The following PCCA variants were observed in gnomAD, a reference collection of about 807,000 sequenced individuals.
PCCA encodes the protein propionyl-CoA carboxylase alpha chain, mitochondrial.
A neutral mutation model predicts 101.3 loss-of-function variants in PCCA; 74 were observed. The ratio of observed to expected loss-of-function variants is 0.73; its 90% CI spans 0.61 to 0.89. The LOEUF (loss-of-function observed/expected upper bound fraction) is 0.89. Among genes scored for constraint, PCCA ranks in the 40% least tolerant of loss-of-function variants. PCCA has a pLI of 0.00. For missense variants in PCCA, 891 were observed against 907.0 expected (o/e 0.98, Z 0.23); for synonymous variants, 294 against 313.6 (o/e 0.94, Z 0.66).
chr13:100,241,319 T>C (rs960647447), intron 8 of PCCA, among the ~76,000 whole-genome samples: 7 of 152,188 alleles, frequency 4.6e-5, no homozygotes, highest in Admixed American at 3.9e-4. Flanking sequence ...ATTCTGGGGA[T>C]ATTTCATATA....
intron 10 of PCCA, among the ~76,000 whole-genome samples, chr13:100,264,813 A>G (rs1370585358): frequency 3.3e-5 from 5 of 152,172 alleles, no homozygotes; most frequent in African/African-American, 1.2e-4. Flanking sequence ...CCAGAAATAC[A>G]TGAGAGTTTC....
At chr13:100,398,179 T>G (rs2077142342) in intron 19 of PCCA, among the ~76,000 whole-genome samples, 1 of 152,192 alleles carries the variant, frequency 6.6e-6, no homozygotes, top group African/African-American at 2.4e-5. Flanking sequence ...TTAACAAAGA[T>G]TGAAGGAAGC....
chr13:100,089,707 A>G (rs924077089), intron 1 of PCCA, among the ~76,000 whole-genome samples: 11 of 152,240 alleles, frequency 7.2e-5, no homozygotes, highest in Non-Finnish European at 1.6e-4. Context: ...TTAAAGTATT[A>G]TACCATGTCA....
At chr13:100,385,213 A>G (rs1019657390) in intron 19 of PCCA, among the ~76,000 whole-genome samples, 1 of 152,226 alleles carries the variant, frequency 6.6e-6, no homozygotes, top group Admixed American at 6.5e-5. Context: ...ATTGGCAAGA[A>G]CTTTTTCCTT....
chr13:100,449,526 G>T (rs2081072489), intron 21 of PCCA, among the ~76,000 whole-genome samples: 1 of 152,086 alleles, frequency 6.6e-6, no homozygotes, highest in South Asian at 2.1e-4. Context: ...TCACTGTGTT[G>T]CCCATGCTGG....
At chr13:100,512,220 T>C (rs955046086) in intron 21 of PCCA, among the ~76,000 whole-genome samples, 3 of 152,226 alleles carry the variant, frequency 2.0e-5, no homozygotes, top group African/African-American at 7.2e-5. Context: ...CCTGACCCTT[T>C]CATGTCAGCT....
At chr13:100,392,705 G>A (rs1338923026) in intron 19 of PCCA, among the ~76,000 whole-genome samples, 3 of 152,196 alleles carry the variant, frequency 2.0e-5, no homozygotes, top group African/African-American at 7.2e-5. Context: ...AGAGGAGGTA[G>A]CAGAGAGGTG....
chr13:100,382,689 A>G (rs568558500), intron 19 of PCCA, among the ~76,000 whole-genome samples: 2 of 152,330 alleles, frequency 1.3e-5, no homozygotes, highest in East Asian at 3.9e-4. Flanking sequence ...TCTTTGGTCT[A>G]CTATTTTTAC....
rs374717033 is a variant in PCCA at position 100,409,288 on chromosome 13, T to C, written c.1747-16345T>C. ...GGTTTTGAGTCCCCATTTCACTCAC[T>C]GCTTCTTGAGCCCCACATTGGGCGC... On this transcript the variant is annotated intron_variant, in intron 19 of 23. Coordinates refer to ENST00000376285, the MANE Select transcript of PCCA (RefSeq NM_000282.4). Among the ~76,000 whole-genome samples, 21 of 152,200 alleles carry C rather than the reference T, an allele frequency of 1.4e-4. 1 individual carries two copies. In the East Asian group the frequency reaches 1.7e-3, roughly 13 times the overall value.
Position 100,151,541 on chromosome 13 carries a change from G to A in PCCA, c.301-3438G>A, listed in dbSNP as rs575265960. Among the ~76,000 whole-genome samples, 13 of 151,832 alleles carry A rather than the reference G, an allele frequency of 8.6e-5. No individual in the cohort carries two copies. In the East Asian group the frequency reaches 1.2e-3, roughly 14 times the overall value. On this transcript the variant is annotated intron_variant, in intron 4 of 23. Transcript: ENST00000376285. ...TGGGAGGTGGAGGTTGCGATGAGCC[G>A]AGATCGCGCCATTGCACTCCAGCCT...
chr13:100,124,164 A>T (rs577915121), intron 4 of PCCA, among the ~76,000 whole-genome samples: 13 of 152,308 alleles, frequency 8.5e-5, no homozygotes, highest in Middle Eastern at 6.8e-3. Context: ...TATTTTTTAA[A>T]AAATGAGATC....
chr13:100,364,394 G>A (rs2152805949), intron 18 of PCCA, among the ~76,000 whole-genome samples: 1 of 152,222 alleles, frequency 6.6e-6, no homozygotes, highest in East Asian at 1.9e-4. Context: ...TGTCTGTGCT[G>A]GTTAAATTAA....
intron 2 of PCCA, among the ~76,000 whole-genome samples, chr13:100,105,277 A>G (rs1395678170): frequency 6.6e-6 from 1 of 152,168 alleles, no homozygotes; most frequent in Non-Finnish European, 1.5e-5. Flanking sequence ...TGAATTAGTT[A>G]TGATAAACTC....
intron 7 of PCCA, among the ~76,000 whole-genome samples, chr13:100,214,819 G>C (rs2059424665): frequency 6.6e-6 from 1 of 152,036 alleles, no homozygotes; most frequent in African/African-American, 2.4e-5. Context: ...TATTGTAAAT[G>C]GGATTATTTT....
intron 6 of PCCA, among the ~76,000 whole-genome samples, chr13:100,186,672 T>G (rs1479633527): frequency 1.4e-5 from 2 of 143,410 alleles, no homozygotes; most frequent in Admixed American, 7.4e-5. Flanking sequence ...AACAGGGAGG[T>G]GGAGGTTGCA....
intron 7 of PCCA, among the ~76,000 whole-genome samples, chr13:100,211,880 A>G (rs1199656098): frequency 6.6e-6 from 1 of 152,098 alleles, no homozygotes; most frequent in African/African-American, 2.4e-5. Context: ...AGGTGAGACT[A>G]TAGGTGTGTG....
At chr13:100,108,520 A>G (rs143942958) in intron 2 of PCCA, among the ~76,000 whole-genome samples, 39 of 152,258 alleles carry the variant, frequency 2.6e-4, no homozygotes, top group African/African-American at 8.9e-4. Context: ...CGCTTCAGTC[A>G]TATTGAGAAT....
In PCCA at chr13:100,102,673, C is replaced by T. The variant is rs117350137; in HGVS notation, c.106-210C>T. 7.7e-3 allele frequency among the ~76,000 whole-genome samples: 1,179 copies of T among 152,230 alleles called. 9 individuals carry two copies. The highest frequency in any genetic ancestry group is 0.012 in the Non-Finnish European group (810 of 68,000). On this transcript the variant is annotated intron_variant, in intron 1 of 23. Coordinates refer to ENST00000376285, the MANE Select transcript of PCCA (RefSeq NM_000282.4). ...ATTCTTGTTTTGCTTTTCTGGAGAT[C>T]GTTTTGATGCTTTTGGTTTCTCTTA... is the stretch of plus-strand genomic sequence containing the variant.
At chr13:100,291,707 C>G (rs1211595348) in intron 12 of PCCA, among the ~76,000 whole-genome samples, 1 of 152,180 alleles carries the variant, frequency 6.6e-6, no homozygotes, top group Non-Finnish European at 1.5e-5. Context: ...CTCCAGAGGC[C>G]TGGAAGAGCA....
Sources: allele counts gnomAD v4.1 joint callset (sites outside exome capture counted in the v4.1 genomes callset), GRCh38; gene constraint gnomAD v4.1.1; transcripts MANE v1.5; gene names NCBI Gene and HGNC (gene_info 2026-07-23, HGNC 2026-07-21).